Variants in PRPF38B observed in about 807,000 individuals in gnomAD.
The protein encoded by PRPF38B is pre-mRNA-splicing factor 38B.
Under a neutral mutation model 67.2 loss-of-function variants are expected in PRPF38B, and 18 were observed. The observed-to-expected ratio is 0.27, with a 90% CI of 0.19 to 0.40. The LOEUF (loss-of-function observed/expected upper bound fraction) is 0.40, where lower values mean the gene tolerates loss of function less well. PRPF38B is among the 10% of genes least tolerant of loss of function. PRPF38B has a pLI of 1.00. For synonymous variants in PRPF38B, 246 were observed against 234.2 expected (o/e 1.05, Z -0.46); for missense variants, 544 against 684.9 (o/e 0.79, Z 2.30).
chr1:108,700,056 T>A lies in PRPF38B; in HGVS notation c.*36T>A, dbSNP rs1271191299. On this transcript the variant is annotated 3_prime_UTR_variant, in exon 6 of 6. Transcript: ENST00000370025. ...TAAAAGTGGATCACATTGAATCCTA[T>A]AAATGATTAAATCTGCTTTTTTCCC... The A allele has an allele frequency of 6.5e-7, 1 of 1,543,096 alleles. No homozygotes were observed. Among genetic ancestry groups the A allele is most frequent in the Non-Finnish European group, 8.7e-7 (1 of 1,151,466 alleles).
chr1:108,692,465 C>T lies in PRPF38B; in HGVS notation c.-127C>T. On this transcript the variant is annotated 5_prime_UTR_variant, in exon 1 of 6. Coordinates refer to ENST00000370025, the MANE Select transcript of PRPF38B (RefSeq NM_018061.4). ...TGCCCTCTCTTGCCCAGCTGGGGCA[C>T]AGCGAGGCGGCCCCTTCTCCCGACG... The T allele has an allele frequency of 8.7e-7, 1 of 1,155,962 alleles. No homozygotes were observed. Among genetic ancestry groups the T allele is most frequent in the Non-Finnish European group, 1.2e-6 (1 of 845,238 alleles). 71.6% of individuals were successfully genotyped at this position (1,155,962 alleles called of 1,614,324 possible).
rs201434809 is a variant in PRPF38B, at chr1:108,699,151, G to A, written c.783-11G>A. The stretch of plus-strand genomic sequence containing the variant: ...TCATTGAAATTTTCTTTCTCCCTCC[G>A]CCTTCCTTAGGTCTCCAAGGAGATC... On this transcript the variant is annotated splice_polypyrimidine_tract_variant and intron_variant, in intron 5 of 5. Transcript: ENST00000370025. The A allele has an allele frequency of 7.0e-6, 11 of 1,573,342 alleles. No homozygotes were observed. In the African/African-American group the frequency reaches 1.1e-4, roughly 16 times the overall value.
Position 108,699,958 on chromosome 1 carries a change from A to G in PRPF38B, c.1579A>G (p.Ser527Gly). 1 of 1,612,566 alleles carries G rather than the reference A, an allele frequency of 6.2e-7. No individual in the cohort carries two copies. Among genetic ancestry groups the G allele is most frequent in the Non-Finnish European group, 8.5e-7 (1 of 1,179,652 alleles). ...GTCAGACAAACATGATCGTCGAAGG[A>G]GCCAAAGTATAGAACAAGAGAGCCA... ...DQSDKHDRRR[S>G]QSIEQESQEK... The change falls in exon 6 of 6, where the codon AGC becomes GGC. Residue 527 changes from serine to glycine, a missense_variant. Transcript: ENST00000370025.
intron 1 of PRPF38B, among the ~76,000 whole-genome samples, chr1:108,693,387 T>G (rs1659532281): frequency 6.6e-6 from 1 of 151,948 alleles, no homozygotes; most frequent in Non-Finnish European, 1.5e-5. Flanking sequence ...GAGGTGCCAT[T>G]TCAAGAGGTG....
chr1:108,698,394 C>A (rs1383477029), intron 4 of PRPF38B: 1 of 469,396 alleles, frequency 2.1e-6, no homozygotes, highest in African/African-American at 2.0e-5. Flanking sequence ...CCCTTTATGC[C>A]TGTGAGGCTG....
chr1:108,693,656 A>G (rs1392169310), intron 1 of PRPF38B: 1 of 967,588 alleles, frequency 1.0e-6, no homozygotes, highest in Non-Finnish European at 1.2e-6. Context: ...TGCACTATTA[A>G]TCATGCTCAA....
In PRPF38B at chr1:108,696,404, A is replaced by G; in HGVS notation, c.558+67A>G. On this transcript the variant is annotated intron_variant, in intron 4 of 5. Transcript: ENST00000370025. ...CTCATATTTTTATTATCTTTTATTT[A>G]TTGGTGGTTTAATGTCTTCAAGAAC... is the stretch of plus-strand genomic sequence containing the variant. The G allele has an allele frequency of 2.8e-6, 4 of 1,410,120 alleles. No homozygotes were observed. In the East Asian group the frequency reaches 9.3e-5, roughly 33 times the overall value. 87.4% of individuals were successfully genotyped at this position (1,410,120 alleles called of 1,614,324 possible).
intron 1 of PRPF38B, chr1:108,693,639 AGAG>A: frequency 1.0e-6 from 1 of 978,084 alleles, no homozygotes; most frequent in Non-Finnish European, 1.2e-6. Context: ...GGTCGCAGGT[AGAG>A]GTATGCACTA....
At position 108,695,752 on chromosome 1, in the gene PRPF38B, G is replaced by A. The variant is rs1478142022; in HGVS notation, c.327G>A (p.Gln109=). The A allele has an allele frequency of 1.2e-6, 2 of 1,613,940 alleles. No homozygotes were observed. Among genetic ancestry groups the A allele is most frequent in the Admixed American group, 3.3e-5 (2 of 59,992 alleles). The change falls in exon 2 of 6, where the codon CAG becomes CAA. Residue 109 remains glutamine, a synonymous_variant. Coordinates refer to ENST00000370025, the MANE Select transcript of PRPF38B (RefSeq NM_018061.4). ...AAGGAAGCAGGAAAACAGCGGGCCAGACAGGGATGTGCGGAGGGGTAAGTA... is the reference window on the plus strand; with the variant it reads ...AAGGAAGCAGGAAAACAGCGGGCCAAACAGGGATGTGCGGAGGGGTAAGTA... ...WEKGSRKTAG[Q]TGMCGGVRGV...
chr1:108,694,897 A>C (rs1227259196), intron 1 of PRPF38B, among the ~76,000 whole-genome samples: 1 of 152,070 alleles, frequency 6.6e-6, no homozygotes, highest in Non-Finnish European at 1.5e-5. Context: ...TGTTCCTCTT[A>C]GCAAATATGA....
rs1039064857 is a variant in PRPF38B, at chr1:108,700,206, A to G, written c.*186A>G. On this transcript the variant is annotated 3_prime_UTR_variant, in exon 6 of 6. Coordinates refer to ENST00000370025, the MANE Select transcript of PRPF38B (RefSeq NM_018061.4). ...TTTATTGCATTGGTGTTTTCACCCA[A>G]TTGTTAAGTTTGATACATGATGCAC... The G allele has an allele frequency of 2.3e-5, 24 of 1,064,626 alleles. No individual in the cohort carries two copies. Among genetic ancestry groups the G allele is most frequent in the African/African-American group, 4.9e-5 (3 of 61,590 alleles). 65.9% of individuals were successfully genotyped at this position (1,064,626 alleles called of 1,614,324 possible). A position where few individuals can be genotyped will look rare whatever the true frequency, so the allele number is the denominator to read the frequency against.
In PRPF38B at chr1:108,692,583, C is replaced by T. The variant is rs367758050; in HGVS notation, c.-9C>T. ...CCCTCCTTCCCTCCCTCCTTCCTTC[C>T]GCCGCAACATGGCTAACAACAGCCC... On this transcript the variant is annotated 5_prime_UTR_variant, in exon 1 of 6. Transcript: ENST00000370025. 345 of 1,558,030 alleles carry T rather than the reference C, an allele frequency of 2.2e-4. 2 individuals are homozygous for T. In the African/African-American group the frequency reaches 4.3e-3, roughly 19 times the overall value.
chr1:108,699,401 G>C lies in PRPF38B; in HGVS notation c.1022G>C (p.Arg341Pro). The part of the protein sequence containing the change: ...RSRERHRSRS[R>P]SRDRKGDRRD... ...AGGGAAAGGCATAGAAGTCGCAGTCGAAGTCGTGATAGGAAAGGGGATAGA... is the reference window on the plus strand; with the variant it reads ...AGGGAAAGGCATAGAAGTCGCAGTCCAAGTCGTGATAGGAAAGGGGATAGA... The change falls in exon 6 of 6, where the codon CGA becomes CCA. Residue 341 changes from arginine to proline, a missense_variant. Transcript: ENST00000370025. The C allele has an allele frequency of 6.2e-7, 1 of 1,614,078 alleles. No homozygotes were observed. The highest frequency in any genetic ancestry group is 8.5e-7 in the Non-Finnish European group (1 of 1,180,006).
In PRPF38B at chr1:108,699,610, C is replaced by G. The variant is rs141761638; in HGVS notation, c.1231C>G (p.Arg411Gly). The G allele has an allele frequency of 5.8e-6, 9 of 1,553,136 alleles. No individual in the cohort carries two copies. The highest frequency in any genetic ancestry group is 7.8e-6 in the Non-Finnish European group (9 of 1,148,010). ...KKHKEDKDDR[R>G]HRDDKRDSKK... ...ACATAAAGAAGACAAAGATGATAGG[C>G]GGCACAGAGATGACAAAAGAGATTC... is the stretch of plus-strand genomic sequence containing the variant. The change falls in exon 6 of 6, where the codon CGG becomes GGG. Residue 411 changes from arginine (R) to glycine (G), a missense_variant. By Grantham distance (125) the Arg-to-Gly change is moderately radical (BLOSUM62 -2). This residue lies in a region of PRPF38B where 387 missense variants were observed against 386.1 expected (regional missense o/e 1.00). Transcript: ENST00000370025.
At chr1:108,698,379 C>T (rs1412607283) in intron 4 of PRPF38B, 1 of 446,622 alleles carries the variant, frequency 2.2e-6, no homozygotes, top group African/African-American at 2.0e-5. Context: ...TGAGTGAGAT[C>T]AGTTCCCTTT....
chr1:108,697,644 T>C (rs1313995346), intron 4 of PRPF38B: 3 of 152,208 alleles, frequency 2.0e-5, no homozygotes, highest in Non-Finnish European at 4.4e-5. Flanking sequence ...TTTAGATCAG[T>C]TTTTCAGACT....
Position 108,696,164 on chromosome 1 carries a change from A to T in PRPF38B, c.467A>T (p.Tyr156Phe), listed in dbSNP as rs918921363. The change falls in exon 3 of 6, where the codon TAT becomes TTT. Residue 156 changes from tyrosine (Y) to phenylalanine (F), a missense_variant. Transcript: ENST00000370025. ...CTTATAACACACACAGACTCTCCAT[A>T]TATTAGAGCGCTTGGATTTATGTAT... ...MGLITHTDSPYIRALGFMYIR... is the reference protein window; with the variant it reads ...MGLITHTDSPFIRALGFMYIR... The T allele has an allele frequency of 1.2e-6, 2 of 1,613,896 alleles. No individual in the cohort carries two copies. Among genetic ancestry groups the T allele is most frequent in the African/African-American group, 1.3e-5 (1 of 75,052 alleles).
chr1:108,700,128 T>G lies in PRPF38B; in HGVS notation c.*108T>G. 7.0e-7 allele frequency: 1 copy of G among 1,438,250 alleles called. No individual in the cohort carries two copies. The highest frequency in any genetic ancestry group is 2.4e-5 in the East Asian group (1 of 41,518). 89.1% of individuals were successfully genotyped at this position (1,438,250 alleles called of 1,614,324 possible). A position where few individuals can be genotyped will look rare whatever the true frequency, so the allele number is the denominator to read the frequency against. On this transcript the variant is annotated 3_prime_UTR_variant, in exon 6 of 6. Transcript: ENST00000370025. Reference sequence around the variant, plus strand: ...GTTCGCACTCCTCAAGCTCTCCCTGTAGGCTGCATTTTCATTTCCTCTTTC... The same window carrying G: ...GTTCGCACTCCTCAAGCTCTCCCTGGAGGCTGCATTTTCATTTCCTCTTTC...
chr1:108,699,702 T>C lies in PRPF38B; in HGVS notation c.1323T>C (p.Ser441=). ...GGAAACACAGAAGTAGGAGTCGAAG[T>C]AGAAATGCAGGGAAACGAAGTAGAA... ...RERKHRSRSR[S]RNAGKRSRSR... The change falls in exon 6 of 6, where the codon AGT becomes AGC. Residue 441 remains serine, a synonymous_variant. Transcript: ENST00000370025. 3.1e-6 allele frequency: 5 copies of C among 1,607,644 alleles called. No homozygotes were observed. Among genetic ancestry groups the C allele is most frequent in the Non-Finnish European group, 4.2e-6 (5 of 1,176,796 alleles).
Sources: allele counts gnomAD v4.1 joint callset (sites outside exome capture counted in the v4.1 genomes callset), GRCh38; gene constraint gnomAD v4.1.1; regional missense constraint gnomAD v4.1.1; transcripts MANE v1.5; gene names NCBI Gene and HGNC (gene_info 2026-07-23, HGNC 2026-07-21).